The following ABLIM1 variants were observed in gnomAD, a reference collection of about 807,000 sequenced individuals.
ABLIM1 encodes actin binding LIM protein 1.
In ABLIM1, 40 loss-of-function variants were observed where a neutral mutation model predicts 107.0. The ratio of observed to expected loss-of-function variants is 0.37; its 90% CI spans 0.29 to 0.49. ABLIM1 has a LOEUF of 0.49. ABLIM1 is among the 20% of genes least tolerant of loss of function. The pLI is 0.97. For synonymous variants in ABLIM1, 357 were observed against 357.3 expected, an observed-to-expected ratio of 1.00 and a Z score of 0.01; for missense variants, 857 against 1,008.5, an observed-to-expected ratio of 0.85 and a Z score of 2.04.
Position 114,569,320 on chromosome 10 carries a change from C to CT in ABLIM1, c.673+1976dup, listed in dbSNP as rs200276368. Among the ~76,000 whole-genome samples, 573 of 145,650 alleles carry CT rather than the reference C, an allele frequency of 3.9e-3. 6 individuals are homozygous for CT. Among genetic ancestry groups the CT allele is most frequent in the African/African-American group, 0.012 (498 of 40,050 alleles). ...ATCATAAAAGCCTCTTTTTCTTTTT[C>CT]TTTTTTTTTTTTCTTTGAGATGGAG... On this transcript the variant is annotated intron_variant, in intron 4 of 22. Coordinates refer to ENST00000533213, the MANE Select transcript of ABLIM1 (RefSeq NM_002313.7).
intron 12 of ABLIM1, 46 bp from the exon 13 acceptor site, chr10:114,453,529 G>A (rs2062240194): frequency 2.1e-6 from 3 of 1,410,760 alleles, no homozygotes; most frequent in Non-Finnish European, 1.9e-6. Context: ...AAGGGAGAGA[G>A]AAACAAAGAA....
At chr10:114,677,139 T>A (rs1016120336) in intron 1 of ABLIM1, among the ~76,000 whole-genome samples, 3 of 152,174 alleles carry the variant, frequency 2.0e-5, no homozygotes, top group African/African-American at 7.2e-5. Context: ...GGTCCACTTG[T>A]TTGCCACTGC....
the ABLIM1 span, among the ~76,000 whole-genome samples, chr10:114,784,969 A>G: frequency 6.6e-6 from 1 of 152,208 alleles, no homozygotes; most frequent in Non-Finnish European, 1.5e-5. Context: ...AGACTAATTT[A>G]CTTTCATATT....
chr10:114,792,676 G>A, the ABLIM1 span, among the ~76,000 whole-genome samples: 8 of 152,036 alleles, frequency 5.3e-5, no homozygotes, highest in Non-Finnish European at 1.2e-4. Context: ...GAGGCTCCTT[G>A]GGTAAACCAA....
intron 22 of ABLIM1, 58 bp from the exon 23 acceptor site, chr10:114,436,431 C>T: frequency 7.6e-7 from 1 of 1,315,834 alleles, no homozygotes; most frequent in Non-Finnish European, 1.1e-6. Flanking sequence ...ACACAAATGG[C>T]CTTGAGCGTT....
chr10:114,492,332 C>G (rs1259578115), intron 6 of ABLIM1, among the ~76,000 whole-genome samples: 1 of 152,186 alleles, frequency 6.6e-6, no homozygotes, highest in Non-Finnish European at 1.5e-5. Context: ...CCAATGGCAT[C>G]AAGGTGAGAA....
rs76041767 is a variant in ABLIM1 at position 114,512,262 on chromosome 10, T to C, written c.895-20384A>G. On this transcript the variant is annotated intron_variant, in intron 6 of 22. Transcript: ENST00000533213. ...GGAAAGAAAATGTGTTACAATCCAA[T>C]GCAATGTGCACTCACGGAGTACCTC... Among the ~76,000 whole-genome samples the C allele has an allele frequency of 7.9e-3, 1,205 of 152,334 alleles. 23 individuals are homozygous for C. The highest frequency in any genetic ancestry group is 0.028 in the African/African-American group (1,146 of 41,572).
chr10:114,570,651 G>A (rs1384119490), intron 4 of ABLIM1, among the ~76,000 whole-genome samples: 1 of 128,874 alleles, frequency 7.8e-6, no homozygotes, highest in Admixed American at 9.0e-5. Context: ...CACACAGGCT[G>A]GAGTGCAGTG....
At chr10:114,483,994 G>T (rs1364489529) in intron 8 of ABLIM1, among the ~76,000 whole-genome samples, 3 of 152,174 alleles carry the variant, frequency 2.0e-5, no homozygotes, top group Non-Finnish European at 2.9e-5. Context: ...CCCTTCCCCT[G>T]CAGGATGCCC....
intron 6 of ABLIM1, among the ~76,000 whole-genome samples, chr10:114,540,827 G>T (rs1565876873): frequency 6.6e-6 from 1 of 152,148 alleles, no homozygotes; most frequent in Non-Finnish European, 1.5e-5. Flanking sequence ...ATACGTGCAT[G>T]ATTTCCCAGG....
intron 1 of ABLIM1, chr10:114,690,464 C>A: frequency 2.5e-6 from 4 of 1,585,518 alleles, no homozygotes; most frequent in Non-Finnish European, 3.5e-6. Context: ...GACACATAAA[C>A]CCTGGAATAA....
rs1169165111 is a variant in ABLIM1 at position 114,718,102 on chromosome 10, A to AGGAAGGGAGGAAGG, written c.-213+49958_-213+49959insCCTTCCTCCCTTCC. ...GGAAGGAAGGAAGGAAGGAAAAGAA[A>AGGAAGGGAGGAAGG]AAGAAAAAGAAAGAAAGAAAAAGAA... On this transcript the variant is annotated intron_variant, in intron 1 of 15. Coordinates refer to the ABLIM1 transcript ENST00000651092. Among the ~76,000 whole-genome samples, 3 of 86,036 alleles carry AGGAAGGGAGGAAGG rather than the reference A, an allele frequency of 3.5e-5. 1 individual carries two copies. The highest frequency in any genetic ancestry group is 7.2e-5 in the Non-Finnish European group (3 of 41,462). 56.4% of individuals were successfully genotyped at this position (86,036 alleles called of 152,430 possible).
intron 1 of ABLIM1, among the ~76,000 whole-genome samples, chr10:114,691,528 T>A (rs944789804): frequency 6.6e-6 from 1 of 152,194 alleles, no homozygotes; most frequent in African/African-American, 2.4e-5. Flanking sequence ...CTGTATTCCC[T>A]GCAAAAACAA....
intron 1 of ABLIM1, among the ~76,000 whole-genome samples, chr10:114,759,118 C>T (rs562341361): frequency 6.6e-6 from 1 of 152,222 alleles, no homozygotes; most frequent in East Asian, 1.9e-4. Flanking sequence ...TATTTTAATG[C>T]AGGGTTCAAT....
intron 10 of ABLIM1, among the ~76,000 whole-genome samples, chr10:114,471,930 C>T (rs1363226326): frequency 2.6e-5 from 4 of 151,764 alleles, no homozygotes; most frequent in South Asian, 2.1e-4. Context: ...GAGAGTGAGC[C>T]GATTGGCCAG....
At chr10:114,705,740 ACCTT>A (rs765287317) in intron 1 of ABLIM1, among the ~76,000 whole-genome samples, 25 of 152,350 alleles carry the variant, frequency 1.6e-4, no homozygotes, top group Non-Finnish European at 3.2e-4. Context: ...CTGTATCCCT[ACCTT>A]CCAAAGGAAG....
chr10:114,656,269 CA>C (rs71007486), intron 1 of ABLIM1, among the ~76,000 whole-genome samples: 21,130 of 64,092 alleles, frequency 0.33, 1,142 homozygotes, highest in South Asian at 0.39. Flanking sequence ...AACTCCGTCT[CA>C]AAAAAAAAAA....
intron 19 of ABLIM1, chr10:114,440,711 T>G: frequency 2.2e-6 from 1 of 459,136 alleles, no homozygotes; most frequent in South Asian, 1.9e-5. Flanking sequence ...TCCTTCCGCC[T>G]CAGCCTCCCA....
intron 1 of ABLIM1, among the ~76,000 whole-genome samples, chr10:114,713,977 T>G (rs766289472): frequency 6.6e-6 from 1 of 152,152 alleles, no homozygotes; most frequent in African/African-American, 2.4e-5. Context: ...AGGTGTTGAA[T>G]TCACAGGGTC....
Sources: gnomAD v4.1 joint callset for allele counts (sites outside exome capture counted in the v4.1 genomes callset) on GRCh38, gnomAD v4.1.1 for gene constraint, MANE v1.5 for transcripts, NCBI Gene and HGNC (gene_info 2026-07-23, HGNC 2026-07-21) for gene names.